MYCBP2: variants seen among roughly 807,000 people sequenced by gnomAD.
MYCBP2 encodes MYC binding protein 2.
In MYCBP2, 120 loss-of-function variants were observed where a neutral mutation model predicts 525.3. That is an observed-to-expected ratio of 0.23 (90% CI 0.20 to 0.27). The LOEUF is 0.27. Among genes scored for constraint, MYCBP2 ranks in the 10% least tolerant of loss-of-function variants. The probability of loss-of-function intolerance (pLI) is 1.00; values close to 1 mark genes in which losing one functional copy is unlikely to be tolerated. For missense variants in MYCBP2, 4,149 were observed against 5,657.1 expected (o/e 0.73, Z 8.55); for synonymous variants, 1,894 against 1,955.8 (o/e 0.97, Z 0.83).
chr13:77,243,202 G>A (rs370839657), intron 16 of MYCBP2, 42 bp from the exon 17 acceptor site: 3 of 1,372,736 alleles, frequency 2.2e-6, no homozygotes, highest in Non-Finnish European at 2.1e-6. Flanking sequence ...CAACATATAT[G>A]TTATATAATA....
intron 47 of MYCBP2, among the ~76,000 whole-genome samples, chr13:77,146,711 G>A (rs921160032): frequency 4.6e-5 from 7 of 152,082 alleles, no homozygotes; most frequent in African/African-American, 1.4e-4. Context: ...AGGAAAATAC[G>A]AATTAAAACA....
At position 77,055,578 on chromosome 13, in the gene MYCBP2, C is replaced by T. The variant is rs567496054; in HGVS notation, c.13627G>A (p.Val4543Met). ...CATACCTTTCTGCATTTGTAGCACA[C>T]ATAATATGCATATCTATTCATTGCA... ...GYAMNRYAYY[V>M]CYKCRKAYFG... Residue 4543 changes from valine (V) to methionine (M), a missense_variant, in exon 80 of 83, where the codon GTG becomes ATG. Val to Met is a conservative substitution (Grantham distance 21). Coordinates refer to ENST00000544440, the MANE Select transcript of MYCBP2 (RefSeq NM_015057.5). The T allele has an allele frequency of 1.2e-6, 2 of 1,613,848 alleles. No individual in the cohort carries two copies. The highest frequency in any genetic ancestry group is 1.3e-5 in the African/African-American group (1 of 75,052).
rs753852989 is a variant in MYCBP2 at position 77,153,680 on chromosome 13, T to TA, written c.6915+2377dup. On this transcript the variant is annotated intron_variant, in intron 46 of 82. Transcript: ENST00000544440. ...GCTTTCTTTTACAAACTGTGTTACTTAAAAAAAAAGTTATTCTTGTATTTC... is the reference window on the plus strand; with the variant it reads ...GCTTTCTTTTACAAACTGTGTTACTTAAAAAAAAAAGTTATTCTTGTATTTC... 1.7e-3 allele frequency among the ~76,000 whole-genome samples: 264 copies of TA among 151,604 alleles called. 2 individuals are homozygous for TA. The highest frequency in any genetic ancestry group is 6.2e-3 in the African/African-American group (255 of 41,380).
intron 4 of MYCBP2, among the ~76,000 whole-genome samples, chr13:77,274,288 C>T (rs567076915): frequency 1.3e-5 from 2 of 152,264 alleles, no homozygotes; most frequent in African/African-American, 4.8e-5. Context: ...GAAACACACA[C>T]ACACACAAAT....
At chr13:77,118,620 A>T (rs2050181165) in intron 55 of MYCBP2, 1 of 565,424 alleles carries the variant, frequency 1.8e-6, no homozygotes. Flanking sequence ...CCAATTCAGA[A>T]ATGAGTGAAA....
At chr13:77,205,075 T>C (rs896098172) in intron 26 of MYCBP2, among the ~76,000 whole-genome samples, 181 bp downstream of exon 26, 1 of 151,764 alleles carries the variant, frequency 6.6e-6, no homozygotes, top group Non-Finnish European at 1.5e-5. Flanking sequence ...ATTTAAAAAA[T>C]TTAGTATTAC....
rs767042451 is a variant in MYCBP2, at chr13:77,096,447, A to G, written c.9819T>C (p.Asn3273=). 6.2e-7 allele frequency: 1 copy of G among 1,613,388 alleles called. No homozygotes were observed. Residue 3273 remains asparagine (N), a synonymous_variant, in exon 57 of 83, where the codon AAT becomes AAC. Coordinates refer to ENST00000544440, the MANE Select transcript of MYCBP2 (RefSeq NM_015057.5). ...ATCCTCCACAAAAATGCCCAATGCT[A>G]TTGTAACCTTGTCCACCAGCATATC... ...CGRYAGGQGY[N]SIGHFCGGWA...
In MYCBP2 at chr13:77,067,780, C is replaced by T; in HGVS notation, c.12256G>A (p.Ala4086Thr). Residue 4086 changes from alanine to threonine, a missense_variant, in exon 71 of 83, where the codon GCA (alanine) becomes ACA (threonine). Coordinates refer to ENST00000544440, the MANE Select transcript of MYCBP2 (RefSeq NM_015057.5). ...GAGTGAATGATATCACTGATATCTG[C>T]TGGGGGGAGGGATTTCACTCCTATG... ...SIIGVKSLPP[A>T]DISDIIHSTE... 6.2e-7 allele frequency: 1 copy of T among 1,614,040 alleles called. No individual in the cohort carries two copies. Among genetic ancestry groups the T allele is most frequent in the Non-Finnish European group, 8.5e-7 (1 of 1,179,944 alleles).
intron 23 of MYCBP2, among the ~76,000 whole-genome samples, chr13:77,209,726 C>T (rs1374296583): frequency 6.6e-6 from 1 of 152,176 alleles, no homozygotes; most frequent in Non-Finnish European, 1.5e-5. Flanking sequence ...TTGAGATGTA[C>T]TCAACTCAAT....
intron 43 of MYCBP2, among the ~76,000 whole-genome samples, chr13:77,163,288 T>A (rs1219320196): frequency 6.6e-6 from 1 of 152,218 alleles, no homozygotes; most frequent in Non-Finnish European, 1.5e-5. Context: ...AATAGGTTGC[T>A]AGCAATTTTC....
At position 77,180,236 on chromosome 13, in the gene MYCBP2, T is replaced by C; in HGVS notation, c.5024A>G (p.Asn1675Ser). ...MLVIVVLPVR[N>S]SLRRENELFS... ...GAGTTCATTTTCTCTCCTCAGGCTGTTCCTGACTGGTAGCACAACAATGAC... is the reference window on the plus strand; with the variant it reads ...GAGTTCATTTTCTCTCCTCAGGCTGCTCCTGACTGGTAGCACAACAATGAC... The change falls in exon 34 of 83, where the codon AAC (asparagine) becomes AGC (serine). Residue 1675 changes from asparagine (N) to serine (S), a missense_variant. Coordinates refer to ENST00000544440, the MANE Select transcript of MYCBP2 (RefSeq NM_015057.5). 2.5e-6 allele frequency: 4 copies of C among 1,614,198 alleles called. No homozygotes were observed. Among genetic ancestry groups the C allele is most frequent in the Non-Finnish European group, 3.4e-6 (4 of 1,180,014 alleles).
chr13:77,232,182 A>T (rs904362938), intron 18 of MYCBP2, among the ~76,000 whole-genome samples: 2 of 152,152 alleles, frequency 1.3e-5, no homozygotes, highest in Non-Finnish European at 2.9e-5. Context: ...TGCCTATGAA[A>T]TTTTTTTAAA....
rs774878101 is a variant in MYCBP2 at position 77,225,421 on chromosome 13, G to C, written c.2857+14C>G. The C allele has an allele frequency of 6.2e-7, 1 of 1,613,254 alleles. No individual in the cohort carries two copies. The highest frequency in any genetic ancestry group is 1.3e-5 in the African/African-American group (1 of 74,868). On this transcript the variant is annotated intron_variant, in intron 19 of 82. Coordinates refer to ENST00000544440, the MANE Select transcript of MYCBP2 (RefSeq NM_015057.5). ...TGTAAAAACGCAGTTATACCCTAAA[G>C]TTCCAGCCGCTACCTGAATGGTGAA...
rs746070841 is a variant in MYCBP2, at chr13:77,097,581, T to A, written c.9573A>T (p.Ala3191=). The change falls in exon 56 of 83, where the codon GCA becomes GCT. Residue 3191 remains alanine, a synonymous_variant. Transcript: ENST00000544440. ...NMIFPSPGSC[A]VLKKKECEKE... Reference sequence around the variant, plus strand: ...TCTCACACTCTTTCTTTTTAAGAACTGCACAGGAACCAGGACTTGGAAAAA... The same window carrying A: ...TCTCACACTCTTTCTTTTTAAGAACAGCACAGGAACCAGGACTTGGAAAAA... 1 of 1,613,440 alleles carries A rather than the reference T, an allele frequency of 6.2e-7. No homozygotes were observed. The highest frequency in any genetic ancestry group is 8.5e-7 in the Non-Finnish European group (1 of 1,179,792).
chr13:77,056,116 G>A (rs796462000), intron 79 of MYCBP2, among the ~76,000 whole-genome samples: 49 of 135,462 alleles, frequency 3.6e-4, no homozygotes, highest in African/African-American at 1.2e-3. Context: ...GTGTGTGTGT[G>A]TGTGTGTGTG....
At chr13:77,260,728 G>T in intron 12 of MYCBP2, 136 bp from the exon 13 acceptor site, 1 of 720,764 alleles carries the variant, frequency 1.4e-6, no homozygotes. Flanking sequence ...CAAAGGCCTG[G>T]GCTTCCCAAC....
chr13:77,148,000 T>C (rs1240620432), intron 47 of MYCBP2, among the ~76,000 whole-genome samples: 1 of 152,074 alleles, frequency 6.6e-6, no homozygotes, highest in East Asian at 1.9e-4. Context: ...TAACAAAATT[T>C]GCAAAAGAAA....
chr13:77,045,869 A>G (rs1257931777), intron 82 of MYCBP2, among the ~76,000 whole-genome samples: 1 of 152,200 alleles, frequency 6.6e-6, no homozygotes, highest in East Asian at 1.9e-4. Context: ...ATTTTTCTGA[A>G]TAGAAAACAG....
rs1451135797 is a variant in MYCBP2, at chr13:77,126,547, A to G, written c.7660-5T>C. 1 of 1,606,068 alleles carries G rather than the reference A, an allele frequency of 6.2e-7. No homozygotes were observed. Among genetic ancestry groups the G allele is most frequent in the South Asian group, 1.1e-5 (1 of 90,150 alleles). ...ATCAGTATTAGTTTTAGATTCCTGA[A>G]AATTTGAATAGGAAAGAAAAATAAA... On this transcript the variant is annotated splice_region_variant and splice_polypyrimidine_tract_variant and intron_variant, in intron 52 of 82. Coordinates refer to ENST00000544440, the MANE Select transcript of MYCBP2 (RefSeq NM_015057.5).
Sources: gnomAD v4.1 joint callset for allele counts (sites outside exome capture counted in the v4.1 genomes callset) on GRCh38, gnomAD v4.1.1 for gene constraint, MANE v1.5 for transcripts, NCBI Gene and HGNC (gene_info 2026-07-23, HGNC 2026-07-21) for gene names.